TEC: variants seen among roughly 807,000 people sequenced by gnomAD.
TEC encodes the protein tec protein tyrosine kinase, also known as tyrosine-protein kinase Tec.
TEC carries 72 observed loss-of-function variants against 93.0 expected under a neutral mutation model. The ratio of observed to expected loss-of-function variants is 0.77; its 90% confidence interval spans 0.64 to 0.94. The LOEUF (loss-of-function observed/expected upper bound fraction) is 0.94, where lower values mean the gene tolerates loss of function less well. Among genes scored for constraint, TEC ranks in the 40% least tolerant of loss-of-function variants. The pLI, the probability that TEC is intolerant of heterozygous loss-of-function variation, is 0.00. For missense variants in TEC, 630 were observed against 757.9 expected (o/e 0.83, Z 1.98); for synonymous variants, 249 against 247.7 (o/e 1.01, Z -0.05).
At chr4:48,233,873 A>T (rs189471801) in intron 1 of TEC, among the ~76,000 whole-genome samples, 1 of 152,204 alleles carries the variant, frequency 6.6e-6, no homozygotes, top group East Asian at 1.9e-4. Context: ...ACTCACTCAG[A>T]AAGTTCAGCA....
At chr4:48,145,651 G>A in intron 12 of TEC, 72 bp from the exon 13 acceptor site, 1 of 1,526,414 alleles carries the variant, frequency 6.6e-7, no homozygotes, top group Middle Eastern at 1.8e-4. Flanking sequence ...GGGGGAAAAA[G>A]AACCTACAAC....
At chr4:48,194,647 T>TG (rs1722227386) in intron 2 of TEC, among the ~76,000 whole-genome samples, 2 of 152,064 alleles carry the variant, frequency 1.3e-5, no homozygotes, top group African/African-American at 4.8e-5. Context: ...TGATGAGAGT[T>TG]GGGGGGAGTG....
chr4:48,160,390 C>T (rs765364910), intron 8 of TEC, among the ~76,000 whole-genome samples: 1 of 152,024 alleles, frequency 6.6e-6, no homozygotes, highest in African/African-American at 2.4e-5. Context: ...ATGTTGCCAG[C>T]GCAGCAGTCC....
intron 9 of TEC, among the ~76,000 whole-genome samples, chr4:48,153,080 T>G (rs1283062583): frequency 6.6e-6 from 1 of 152,180 alleles, no homozygotes. Context: ...CATTTTACCC[T>G]TTCATTTTAT....
intron 1 of TEC, among the ~76,000 whole-genome samples, chr4:48,234,910 A>G (rs1309092653): frequency 6.6e-6 from 1 of 152,220 alleles, no homozygotes; most frequent in Non-Finnish European, 1.5e-5. Flanking sequence ...GCATGTTTAG[A>G]GACTGTCAAG....
intron 2 of TEC, among the ~76,000 whole-genome samples, chr4:48,204,022 A>G (rs1222216906): frequency 6.6e-6 from 1 of 152,202 alleles, no homozygotes; most frequent in Non-Finnish European, 1.5e-5. Context: ...CTCCTTCTCA[A>G]TTTGCTTTCC....
At chr4:48,204,112 C>T (rs966422667) in intron 2 of TEC, among the ~76,000 whole-genome samples, 1 of 152,210 alleles carries the variant, frequency 6.6e-6, no homozygotes, top group Non-Finnish European at 1.5e-5. Context: ...GGCTTACTTG[C>T]CTTTCTAGAT....
intron 2 of TEC, among the ~76,000 whole-genome samples, chr4:48,187,436 A>C (rs1044084860): frequency 3.2e-5 from 1 of 31,622 alleles, no homozygotes; most frequent in African/African-American, 8.0e-5. Context: ...ATAAATACTA[A>C]AAAAAAAAAA....
At chr4:48,138,054 C>T (rs1282422007) in intron 17 of TEC, among the ~76,000 whole-genome samples, 1 of 152,184 alleles carries the variant, frequency 6.6e-6, no homozygotes, top group Non-Finnish European at 1.5e-5. Flanking sequence ...CTATACTGTT[C>T]TGTAGCTAAG....
At chr4:48,172,052 C>T (rs1473474336) in intron 3 of TEC, among the ~76,000 whole-genome samples, 1 of 152,244 alleles carries the variant, frequency 6.6e-6, no homozygotes, top group Non-Finnish European at 1.5e-5. Flanking sequence ...GTTGCACTGC[C>T]TAACCTGCCC....
intron 2 of TEC, among the ~76,000 whole-genome samples, chr4:48,176,756 C>T (rs756623878): frequency 6.6e-6 from 1 of 152,072 alleles, no homozygotes; most frequent in Non-Finnish European, 1.5e-5. Flanking sequence ...AGAAAAACTC[C>T]CTTTCATTGC....
intron 2 of TEC, among the ~76,000 whole-genome samples, chr4:48,193,388 A>G (rs192321757): frequency 2.8e-4 from 42 of 152,230 alleles, no homozygotes; most frequent in African/African-American, 9.1e-4. Flanking sequence ...AGGTGGGCAC[A>G]GGCAAGCCAG....
intron 2 of TEC, among the ~76,000 whole-genome samples, chr4:48,207,177 T>C (rs1388452963): frequency 6.6e-6 from 1 of 151,528 alleles, no homozygotes; most frequent in African/African-American, 2.4e-5. Flanking sequence ...GAAAATAGAG[T>C]TCAACAGGAA....
At chr4:48,239,658 C>T (rs182827251) in intron 1 of TEC, among the ~76,000 whole-genome samples, 138 of 152,038 alleles carry the variant, frequency 9.1e-4, no homozygotes, top group African/African-American at 3.2e-3. Context: ...AACATTCATC[C>T]GTGTCTATAT....
At chr4:48,197,814 C>T (rs2109590762) in intron 2 of TEC, among the ~76,000 whole-genome samples, 1 of 152,292 alleles carries the variant, frequency 6.6e-6, no homozygotes, top group South Asian at 2.1e-4. Context: ...AGTTCCACAC[C>T]ACACCCAAAT....
At position 48,246,504 on chromosome 4, in the gene TEC, C is replaced by T. The variant is rs577750902; in HGVS notation, c.-45-17845G>A. On this transcript the variant is annotated intron_variant, in intron 1 of 17. Transcript: ENST00000381501. The stretch of plus-strand genomic sequence containing the variant: ...AGAACAAAATTGGAGGACTCACACT[C>T]CCAATTTTAAAATTTACTCTAATGG... 1.0e-4 allele frequency among the ~76,000 whole-genome samples: 15 copies of T among 150,074 alleles called. No homozygotes were observed. The East Asian group carries it at 2.7e-3, about 27-fold the overall frequency.
chr4:48,174,811 C>T (rs2109553694), intron 3 of TEC, among the ~76,000 whole-genome samples: 1 of 152,266 alleles, frequency 6.6e-6, no homozygotes, highest in South Asian at 2.1e-4. Context: ...TTAATAGCAG[C>T]AGCAGTAGTA....
At chr4:48,212,110 A>AAAAAAAAAAAAAAAATATATATATAT in intron 2 of TEC, among the ~76,000 whole-genome samples, 1 of 122,264 alleles carries the variant, frequency 8.2e-6, no homozygotes, top group African/African-American at 3.0e-5. Flanking sequence ...AAAAAAAAAA[A>AAAAAAAAAAAAAAAATATATATATAT]ATATATATAT....
At chr4:48,162,452 G>A (rs1161720616) in intron 8 of TEC, among the ~76,000 whole-genome samples, 2 of 152,150 alleles carry the variant, frequency 1.3e-5, no homozygotes, top group South Asian at 2.1e-4. Context: ...AGGATTATCT[G>A]GCTTCCAAGC....
Sources: gnomAD v4.1 joint callset for allele counts (sites outside exome capture counted in the v4.1 genomes callset) on GRCh38, gnomAD v4.1.1 for gene constraint, MANE v1.5 for transcripts, NCBI Gene and HGNC (gene_info 2026-07-23, HGNC 2026-07-21) for gene names.